NDUFV3: variants seen among roughly 807,000 people sequenced by gnomAD.
The protein encoded by NDUFV3 is NADH:ubiquinone oxidoreductase subunit V3, also known as NADH dehydrogenase [ubiquinone] flavoprotein 3, mitochondrial.
A neutral mutation model predicts 37.5 loss-of-function variants in NDUFV3; 44 were observed. That is an observed-to-expected ratio of 1.17 (90% CI 0.92 to 1.51). NDUFV3 has a LOEUF of 1.51. Ranked by LOEUF, NDUFV3 falls within the 40% of genes most tolerant of loss-of-function variation. The pLI is 0.00. For missense variants in NDUFV3, 580 were observed against 580.4 expected, an observed-to-expected ratio of 1.00 and a Z score of 0.01; for synonymous variants, 235 against 239.3, an observed-to-expected ratio of 0.98 and a Z score of 0.17.
At chr21:42,908,795 G>A in intron 3 of NDUFV3, 69 bp from the exon 4 acceptor site, 1 of 1,579,654 alleles carries the variant, frequency 6.3e-7, no homozygotes, top group Non-Finnish European at 8.7e-7. Context: ...AAGCGCCTGT[G>A]TGTGAGCCGA....
At position 42,896,778 on chromosome 21, in the gene NDUFV3, G is replaced by A. The variant is rs892273592; in HGVS notation, c.49-149G>A. On this transcript the variant is annotated intron_variant, in intron 1 of 3. Transcript: ENST00000354250. ...CGCTTGGACCCAGGAGTTGAAGGCT[G>A]CAGTGAGCCATGATTGTGCCACTGC... 8.9e-6 allele frequency: 6 copies of A among 675,990 alleles called. No individual in the cohort carries two copies. The African/African-American group carries it at 9.2e-5, about 10-fold the overall frequency. 41.9% of individuals were successfully genotyped at this position (675,990 alleles called of 1,614,324 possible).
intron 2 of NDUFV3, among the ~76,000 whole-genome samples, chr21:42,901,170 G>A (rs935311216): frequency 4.6e-5 from 7 of 152,032 alleles, no homozygotes; most frequent in African/African-American, 1.7e-4. Context: ...AGGCACAGTG[G>A]CTCACTTCTG....
intron 2 of NDUFV3, among the ~76,000 whole-genome samples, chr21:42,897,321 G>T (rs1393218340): frequency 6.6e-6 from 1 of 152,208 alleles, no homozygotes; most frequent in African/African-American, 2.4e-5. Context: ...TGATGCCTTG[G>T]TAAAGGCTCT....
At chr21:42,906,427 C>G (rs1027530429) in intron 3 of NDUFV3, among the ~76,000 whole-genome samples, 17 of 152,240 alleles carry the variant, frequency 1.1e-4, no homozygotes, top group Admixed American at 3.9e-4. Flanking sequence ...GTTTTCCCCC[C>G]TCTCCGTCTG....
In NDUFV3 at chr21:42,911,895, G is replaced by A. The variant is rs2058772872; in HGVS notation, c.*2874G>A. The stretch of plus-strand genomic sequence containing the variant: ...ATTCCCTTAATATTAAAATGAACAT[G>A]AATATATTTTGATTTGCATATATTT... On this transcript the variant is annotated 3_prime_UTR_variant, in exon 4 of 4. Coordinates refer to ENST00000354250, the MANE Select transcript of NDUFV3 (RefSeq NM_021075.4). 1 of 152,196 alleles carries A rather than the reference G, an allele frequency of 6.6e-6. No homozygotes were observed. The highest frequency in any genetic ancestry group is 2.4e-5 in the African/African-American group (1 of 41,434). 9.4% of individuals were successfully genotyped at this position (152,196 alleles called of 1,614,324 possible). A position where few individuals can be genotyped will look rare whatever the true frequency, so the allele number is the denominator to read the frequency against.
Position 42,909,321 on chromosome 21 carries a change from T to G in NDUFV3, c.*300T>G. On this transcript the variant is annotated 3_prime_UTR_variant, in exon 4 of 4. Coordinates refer to ENST00000354250, the MANE Select transcript of NDUFV3 (RefSeq NM_021075.4). ...CAGGTCCAGCTAACTTTTGTATTTT[T>G]AGTAGAGACAGGGTTTCACCATGTT... 1.1e-5 allele frequency: 4 copies of G among 362,706 alleles called. No individual in the cohort carries two copies. Among genetic ancestry groups the G allele is most frequent in the South Asian group, 8.7e-5 (4 of 45,760 alleles). 22.5% of individuals were successfully genotyped at this position (362,706 alleles called of 1,614,324 possible). A position where few individuals can be genotyped will look rare whatever the true frequency, so the allele number is the denominator to read the frequency against.
chr21:42,903,492 T>C lies in NDUFV3; in HGVS notation c.480T>C (p.Ser160=). Residue 160 remains serine, a synonymous_variant, in exon 3 of 4, where the codon TCT becomes TCC. Transcript: ENST00000354250. ...CGTCTTCATCCTCTTCCAGCTCCTCTGATTCTGAATCTGATGATGAGGCTG... is the reference window on the plus strand; with the variant it reads ...CGTCTTCATCCTCTTCCAGCTCCTCCGATTCTGAATCTGATGATGAGGCTG... ...SPSSSSSSSS[S]DSESDDEADV... 1 of 1,614,196 alleles carries C rather than the reference T, an allele frequency of 6.2e-7. No homozygotes were observed. Among genetic ancestry groups the C allele is most frequent in the Non-Finnish European group, 8.5e-7 (1 of 1,180,008 alleles).
chr21:42,899,277 G>GTTTTTTTTGTGTT (rs1555849019), intron 2 of NDUFV3, among the ~76,000 whole-genome samples: 1 of 141,132 alleles, frequency 7.1e-6, no homozygotes, highest in African/African-American at 2.7e-5. Context: ...GTTGTATCTT[G>GTTTTTTTTGTGTT]TTTTTTTTTG....
At position 42,893,312 on chromosome 21, in the gene NDUFV3, T is replaced by A. The variant is rs769302810; in HGVS notation, c.-22T>A. On this transcript the variant is annotated 5_prime_UTR_variant, in exon 1 of 4. Coordinates refer to ENST00000354250, the MANE Select transcript of NDUFV3 (RefSeq NM_021075.4). ...CGCGCGCAGCTGCTGTGGCCCTGCT[T>A]GGTGCGCCCGCTGTCACCGCCATGG... 2.0e-6 allele frequency: 3 copies of A among 1,537,186 alleles called. No homozygotes were observed. The Admixed American group carries it at 5.9e-5, about 30-fold the overall frequency.
rs143161152 is a variant in NDUFV3 at position 42,897,968 on chromosome 21, G to T, written c.169+921G>T. On this transcript the variant is annotated intron_variant, in intron 2 of 3. Transcript: ENST00000354250. Reference sequence around the variant, plus strand: ...TGGAATTACAGGCGTGAGCCACCGTGCCCAGTCCTAAATCTTTAATCATTA... The same window carrying T: ...TGGAATTACAGGCGTGAGCCACCGTTCCCAGTCCTAAATCTTTAATCATTA... Among the ~76,000 whole-genome samples the T allele has an allele frequency of 6.4e-3, 973 of 152,292 alleles. 6 individuals are homozygous for T. The highest frequency in any genetic ancestry group is 0.019 in the African/African-American group (805 of 41,562).
chr21:42,899,690 G>T (rs550099115), intron 2 of NDUFV3, among the ~76,000 whole-genome samples: 1 of 152,092 alleles, frequency 6.6e-6, no homozygotes, highest in Non-Finnish European at 1.5e-5. Context: ...TGATCCGTCC[G>T]CCTTGGCCTC....
Position 42,903,776 on chromosome 21 carries a change from A to G in NDUFV3, c.764A>G (p.Asp255Gly), listed in dbSNP as rs1220548386. Residue 255 changes from aspartate to glycine, a missense_variant, in exon 3 of 4, where the codon GAT becomes GGT. Coordinates refer to ENST00000354250, the MANE Select transcript of NDUFV3 (RefSeq NM_021075.4). The stretch of plus-strand genomic sequence containing the variant: ...ACCACAATGCCCAGATCTCAAGTAG[A>G]TGAAGAGTTTTTGAAGCAAAGTTTA... ...PKTTMPRSQV[D>G]EEFLKQSLKE... is the part of the protein sequence containing the mutation. The G allele has an allele frequency of 1.2e-6, 2 of 1,614,216 alleles. No individual in the cohort carries two copies. Among genetic ancestry groups the G allele is most frequent in the Admixed American group, 1.7e-5 (1 of 60,020 alleles).
At chr21:42,900,891 G>A (rs896315461) in intron 2 of NDUFV3, among the ~76,000 whole-genome samples, 14 of 152,292 alleles carry the variant, frequency 9.2e-5, no homozygotes, top group African/African-American at 3.4e-4. Flanking sequence ...GGGGCTGGAT[G>A]TTCTTGGAGG....
In NDUFV3 at chr21:42,912,536, A is replaced by G. The variant is rs1448567070; in HGVS notation, c.*3515A>G. 1.3e-5 allele frequency: 2 copies of G among 152,470 alleles called. No individual in the cohort carries two copies. The allele number at this position is 152,470 out of a possible 1,614,324, so 9.4% of individuals were successfully genotyped here. A position where few individuals can be genotyped will look rare whatever the true frequency, so the allele number is the denominator to read the frequency against. On this transcript the variant is annotated 3_prime_UTR_variant, in exon 4 of 4. Coordinates refer to ENST00000354250, the MANE Select transcript of NDUFV3 (RefSeq NM_021075.4). ...CACTTTGGGAGGCTGAGGTGGGCAG[A>G]TCACGAGGTCAGGAGATCGAGACCG...
Position 42,909,151 on chromosome 21 carries a change from T to C in NDUFV3, c.*130T>C. ...TCACTTTTACCTTTTTTTTTTTTTT[T>C]TTTTTTTTGAGACAGGGTCTCACTC... is the stretch of plus-strand genomic sequence containing the variant. On this transcript the variant is annotated 3_prime_UTR_variant, in exon 4 of 4. Coordinates refer to ENST00000354250, the MANE Select transcript of NDUFV3 (RefSeq NM_021075.4). 1 of 1,117,044 alleles carries C rather than the reference T, an allele frequency of 9.0e-7. No individual in the cohort carries two copies. Among genetic ancestry groups the C allele is most frequent in the Non-Finnish European group, 1.3e-6 (1 of 781,212 alleles). 69.2% of individuals were successfully genotyped at this position (1,117,044 alleles called of 1,614,324 possible).
chr21:42,912,724 C>G lies in NDUFV3; in HGVS notation c.*3703C>G, dbSNP rs2058775377. The stretch of plus-strand genomic sequence containing the variant: ...TGGATAACACGGTGAAACCCCGTCT[C>G]TATTAAAAATACAAAAAATTAGCCG... On this transcript the variant is annotated 3_prime_UTR_variant, in exon 4 of 4. Transcript: ENST00000354250. 6.6e-6 allele frequency: 1 copy of G among 152,208 alleles called. No homozygotes were observed. The highest frequency in any genetic ancestry group is 2.4e-5 in the African/African-American group (1 of 41,426). 9.4% of individuals were successfully genotyped at this position (152,208 alleles called of 1,614,324 possible). A position where few individuals can be genotyped will look rare whatever the true frequency, so the allele number is the denominator to read the frequency against.
rs573552945 is a variant in NDUFV3 at position 42,901,102 on chromosome 21, A to G, written c.170-2080A>G. On this transcript the variant is annotated intron_variant, in intron 2 of 3. Transcript: ENST00000354250. ...TTAAAAGTAAGGAATATCTGGAAAT[A>G]GAAATTTCACGTAATTTCTATTTAC... Among the ~76,000 whole-genome samples, 15 of 152,322 alleles carry G rather than the reference A, an allele frequency of 9.8e-5. No homozygotes were observed. In the South Asian group the frequency reaches 2.9e-3, roughly 29 times the overall value.
rs1442834862 is a variant in NDUFV3, at chr21:42,912,046, G to C, written c.*3025G>C. On this transcript the variant is annotated 3_prime_UTR_variant, in exon 4 of 4. Coordinates refer to ENST00000354250, the MANE Select transcript of NDUFV3 (RefSeq NM_021075.4). The stretch of plus-strand genomic sequence containing the variant: ...ACCTGAGGTTGGGAGTTTGAGACCA[G>C]CCTGACTAACATGGTGAAACCCCCT... The C allele has an allele frequency of 2.0e-5, 3 of 151,970 alleles. No individual in the cohort carries two copies. Among genetic ancestry groups the C allele is most frequent in the African/African-American group, 7.3e-5 (3 of 41,358 alleles). The allele number at this position is 151,970 out of a possible 1,614,324, so 9.4% of individuals were successfully genotyped here.
chr21:42,904,149 T>C lies in NDUFV3; in HGVS notation c.1137T>C (p.Asn379=), dbSNP rs748692182. 6.2e-7 allele frequency: 1 copy of C among 1,614,160 alleles called. No individual in the cohort carries two copies. Among genetic ancestry groups the C allele is most frequent in the Admixed American group, 1.7e-5 (1 of 60,022 alleles). ...TGGAAGATCAGATACCACCAAGCAA[T>C]TTGGAGACAGTTCCTGTTGAGAATA... ...AIVEDQIPPS[N]LETVPVENNH... is the part of the protein sequence containing the mutation. The change falls in exon 3 of 4, where the codon AAT becomes AAC. Residue 379 remains asparagine (N), a synonymous_variant. Transcript: ENST00000354250.
Sources: allele counts gnomAD v4.1 joint callset (sites outside exome capture counted in the v4.1 genomes callset), GRCh38; gene constraint gnomAD v4.1.1; transcripts MANE v1.5; gene names NCBI Gene and HGNC (gene_info 2026-07-23, HGNC 2026-07-21).